Variants in ASIC2 observed in about 807,000 individuals in gnomAD.
The protein encoded by ASIC2 is acid sensing ion channel subunit 2.
Under a neutral mutation model 57.3 loss-of-function variants are expected in ASIC2, and 25 were observed. The observed-to-expected ratio is 0.44, with a 90% CI of 0.32 to 0.61. The LOEUF (loss-of-function observed/expected upper bound fraction) is 0.61. Ranked by LOEUF, ASIC2 falls within the 20% of genes least tolerant of loss-of-function variation. The probability of loss-of-function intolerance (pLI) is 0.06; values close to 1 mark genes in which losing one functional copy is unlikely to be tolerated. For missense variants in ASIC2, 641 were observed against 738.1 expected, an observed-to-expected ratio of 0.87 and a Z score of 1.52; for synonymous variants, 319 against 307.5, an observed-to-expected ratio of 1.04 and a Z score of -0.39.
At chr17:34,111,491 T>G (rs1911272856) in intron 1 of ASIC2, among the ~76,000 whole-genome samples, 1 of 152,098 alleles carries the variant, frequency 6.6e-6, no homozygotes, top group Non-Finnish European at 1.5e-5. Context: ...TCTGACATTC[T>G]ACTTACGGAG....
chr17:33,164,436 G>A (rs1013254133), intron 1 of ASIC2, among the ~76,000 whole-genome samples: 78 of 136,614 alleles, frequency 5.7e-4, no homozygotes, highest in Non-Finnish European at 1.0e-3. Context: ...TATTGCTGGC[G>A]GGTAATTGGA....
rs317346 is a variant in ASIC2, at chr17:33,856,523, T to C, written c.555+299455A>G. ...TTGTCAGTAGTAGTGGTGGTGGTGG[T>C]AGTAGTAGTGGTAGTAGTGGCAGTA... On this transcript the variant is annotated intron_variant, in intron 1 of 9. Transcript: ENST00000359872. Among the ~76,000 whole-genome samples the C allele has an allele frequency of 8.5e-3, 768 of 90,010 alleles. 32 individuals carry two copies. Among genetic ancestry groups the C allele is most frequent in the East Asian group, 0.015 (51 of 3,492 alleles). The allele number at this position is 90,010 out of a possible 152,430, so 59.1% of individuals were successfully genotyped here. A position where few individuals can be genotyped will look rare whatever the true frequency, so the allele number is the denominator to read the frequency against.
intron 1 of ASIC2, among the ~76,000 whole-genome samples, chr17:33,487,236 C>G (rs1027554895): frequency 2.0e-5 from 3 of 152,150 alleles, no homozygotes; most frequent in African/African-American, 7.2e-5. Context: ...TCAGAGCATT[C>G]TGCTGGGCAT....
rs886674005 is a variant in ASIC2 at position 34,156,693 on chromosome 17, G to T, written c.-161C>A. ...GTTTATCCTGAGAGCCCAGCCGCAC[G>T]CTGACAGGGGTGAGTGTTTATATAA... On this transcript the variant is annotated 5_prime_UTR_variant, in exon 1 of 10. Coordinates refer to the ASIC2 transcript ENST00000359872. This position sits in a 1 kb window ranked among gnomAD's most constrained non-coding sequence, Gnocchi z 4.4. 1 of 691,704 alleles carries T rather than the reference G, an allele frequency of 1.4e-6. No individual in the cohort carries two copies. Among genetic ancestry groups the T allele is most frequent in the Non-Finnish European group, 2.4e-6 (1 of 422,714 alleles). The allele number at this position is 691,704 out of a possible 1,614,324, so 42.8% of individuals were successfully genotyped here.
rs544440867 is a variant in ASIC2 at position 33,182,243 on chromosome 17, T to C, written c.709-70176A>G. On this transcript the variant is annotated intron_variant, in intron 1 of 9. Transcript: ENST00000225823. ...CAGCCAATAGGATTTGCTGACAAGT[T>C]GGATATGGACTTTGTAAAAAACAAG... is the stretch of plus-strand genomic sequence containing the variant. Among the ~76,000 whole-genome samples, 7 of 152,274 alleles carry C rather than the reference T, an allele frequency of 4.6e-5. 1 individual carries two copies. The highest frequency in any genetic ancestry group is 1.7e-4 in the African/African-American group (7 of 41,528).
intron 1 of ASIC2, chr17:33,791,935 G>T (rs1260877533): frequency 6.6e-6 from 1 of 152,092 alleles, no homozygotes; most frequent in African/African-American, 2.4e-5. Flanking sequence ...AGCCTCCCGA[G>T]TAGCTGGGAC....
intron 1 of ASIC2, among the ~76,000 whole-genome samples, chr17:33,854,441 A>G (rs1785292418): frequency 6.6e-6 from 1 of 152,226 alleles, no homozygotes; most frequent in Non-Finnish European, 1.5e-5. Context: ...ACTGTGCAGC[A>G]ATGTTTCTGT....
intron 3 of ASIC2, among the ~76,000 whole-genome samples, chr17:33,054,253 A>G (rs2091989039): frequency 6.6e-6 from 1 of 151,778 alleles, no homozygotes; most frequent in African/African-American, 2.4e-5. Flanking sequence ...CTTTTTGGGG[A>G]GGTAGGTAGG....
chr17:33,613,433 C>G (rs1395085374), intron 1 of ASIC2, among the ~76,000 whole-genome samples: 2 of 148,028 alleles, frequency 1.4e-5, no homozygotes, highest in South Asian at 4.3e-4. Flanking sequence ...GTTGCGATCT[C>G]GGCTCACTGC....
At chr17:33,279,926 T>C (rs893867933) in intron 1 of ASIC2, among the ~76,000 whole-genome samples, 4 of 152,110 alleles carry the variant, frequency 2.6e-5, no homozygotes, top group African/African-American at 4.8e-5. Context: ...CACAGAGCCA[T>C]GTATATAGTA....
chr17:33,725,293 T>C (rs1909511074), intron 1 of ASIC2, among the ~76,000 whole-genome samples: 1 of 152,184 alleles, frequency 6.6e-6, no homozygotes, highest in African/African-American at 2.4e-5. Flanking sequence ...GTCATTTTGG[T>C]AAAGGGCTCA....
intron 1 of ASIC2, among the ~76,000 whole-genome samples, chr17:33,413,650 C>T (rs1441082377): frequency 6.6e-6 from 1 of 152,224 alleles, no homozygotes; most frequent in Non-Finnish European, 1.5e-5. Context: ...TTCATACTGT[C>T]TACTCCTTTC....
intron 1 of ASIC2, among the ~76,000 whole-genome samples, chr17:33,322,343 C>T (rs909446756): frequency 3.3e-5 from 5 of 152,064 alleles, no homozygotes; most frequent in Non-Finnish European, 5.9e-5. Context: ...AAAATCCAGC[C>T]GAATGAGAGC....
intron 3 of ASIC2, among the ~76,000 whole-genome samples, chr17:33,058,044 T>TA (rs551347786): frequency 0.016 from 2,385 of 151,102 alleles, 50 homozygotes; most frequent in African/African-American, 0.053. Flanking sequence ...AACTACATAT[T>TA]AAAAAAAAAG....
At chr17:33,602,823 A>T (rs959428327) in intron 1 of ASIC2, among the ~76,000 whole-genome samples, 1 of 152,174 alleles carries the variant, frequency 6.6e-6, no homozygotes, top group Non-Finnish European at 1.5e-5. Flanking sequence ...GGGGCTTAAC[A>T]TGGGTTCAAG....
intron 1 of ASIC2, among the ~76,000 whole-genome samples, chr17:33,805,562 G>C (rs1036637700): frequency 5.3e-5 from 8 of 152,214 alleles, no homozygotes; most frequent in African/African-American, 1.9e-4. Context: ...CTGACTGATA[G>C]ATGGACTGAC....
intron 1 of ASIC2, among the ~76,000 whole-genome samples, chr17:33,759,886 CAG>C (rs1443187953): frequency 6.6e-6 from 1 of 152,186 alleles, no homozygotes; most frequent in African/African-American, 2.4e-5. Flanking sequence ...GTGACCCAGG[CAG>C]AGACTTGTTG....
At position 33,247,114 on chromosome 17, in the gene ASIC2, T is replaced by C. The variant is rs78969910; in HGVS notation, c.708+44294A>G. On this transcript the variant is annotated intron_variant, in intron 1 of 9. Transcript: ENST00000225823. ...ATTCATTGTTCGATAGAGCGTTTAT[T>C]AAGGTTTCATTACATTTGAAAATAA... Among the ~76,000 whole-genome samples, 8 of 152,338 alleles carry C rather than the reference T, an allele frequency of 5.3e-5. No individual in the cohort carries two copies. In the East Asian group the frequency reaches 1.5e-3, roughly 29 times the overall value.
intron 1 of ASIC2, among the ~76,000 whole-genome samples, chr17:33,169,723 C>G (rs56344189): frequency 0.041 from 6,284 of 152,226 alleles, 169 homozygotes; most frequent in African/African-American, 0.068. Flanking sequence ...GTCAATGAAA[C>G]CCCTGCTGAG....
Sources: allele counts gnomAD v4.1 joint callset (sites outside exome capture counted in the v4.1 genomes callset), GRCh38; gene constraint gnomAD v4.1.1; non-coding constraint Gnocchi (gnomAD v3.1); transcripts MANE v1.5; gene names NCBI Gene and HGNC (gene_info 2026-07-23, HGNC 2026-07-21).